Variants in HDAC9 observed in about 807,000 individuals in gnomAD.
HDAC9 encodes histone deacetylase 9.
A neutral mutation model predicts 139.4 loss-of-function variants in HDAC9; 41 were observed. The ratio of observed to expected loss-of-function variants is 0.29; its 90% confidence interval spans 0.23 to 0.38. HDAC9 has a LOEUF of 0.38. Among genes scored for constraint, HDAC9 ranks in the 10% least tolerant of loss-of-function variants. The pLI is 1.00. For synonymous variants in HDAC9, 517 were observed against 476.2 expected (o/e 1.09, Z -1.12); for missense variants, 1,147 against 1,297.0 (o/e 0.88, Z 1.78).
chr7:18,697,864 G>A (rs1229364300), intron 12 of HDAC9, among the ~76,000 whole-genome samples: 1 of 151,970 alleles, frequency 6.6e-6, no homozygotes, highest in East Asian at 1.9e-4. Context: ...TTATTTTAGG[G>A]TTGAATTTTA....
intron 22 of HDAC9, among the ~76,000 whole-genome samples, chr7:18,922,864 G>C (rs1269972451): frequency 6.6e-6 from 1 of 152,062 alleles, no homozygotes; most frequent in Non-Finnish European, 1.5e-5. Context: ...TTCCTAAGCA[G>C]TTAACATTTT....
intron 1 of HDAC9, among the ~76,000 whole-genome samples, chr7:18,485,359 CATTGAATA>C (rs1795896534): frequency 6.6e-6 from 1 of 151,860 alleles, no homozygotes; most frequent in Admixed American, 6.6e-5. Flanking sequence ...ATCATTGAAT[CATTGAATA>C]TGAATGGTTT....
rs760389593 is a variant in HDAC9 at position 18,199,033 on chromosome 7, A to G, written c.25+36684A>G. ...AGTGTAAAATTTCCATCAGGAAACA[A>G]TCTTCTGCCTTGAACTACCAAAGTG... On this transcript the variant is annotated intron_variant, in intron 2 of 12. Coordinates refer to the HDAC9 transcript ENST00000417496. Among the ~76,000 whole-genome samples the G allele has an allele frequency of 3.0e-4, 46 of 152,144 alleles. 1 individual carries two copies. Among genetic ancestry groups the G allele is most frequent in the African/African-American group, 1.2e-4 (5 of 41,446 alleles).
At chr7:18,544,799 G>A (rs1287405185) in intron 2 of HDAC9, among the ~76,000 whole-genome samples, 1 of 152,198 alleles carries the variant, frequency 6.6e-6, no homozygotes, top group Non-Finnish European at 1.5e-5. Context: ...GCATTGTGGA[G>A]GTCATTGCCA....
At chr7:18,684,749 C>A (rs1393334537) in intron 12 of HDAC9, among the ~76,000 whole-genome samples, 1 of 151,872 alleles carries the variant, frequency 6.6e-6, no homozygotes, top group Non-Finnish European at 1.5e-5. Context: ...AAGTAACCCC[C>A]TACACACAAT....
intron 1 of HDAC9, among the ~76,000 whole-genome samples, chr7:18,405,893 TG>T (rs1787958363): frequency 6.6e-6 from 1 of 152,224 alleles, no homozygotes; most frequent in African/African-American, 2.4e-5. Context: ...GGTTTCTAGC[TG>T]GGTTTCCTGC....
At chr7:18,805,454 CAA>C (rs2129186033) in intron 17 of HDAC9, among the ~76,000 whole-genome samples, 1 of 152,206 alleles carries the variant, frequency 6.6e-6, no homozygotes, top group South Asian at 2.1e-4. Context: ...TGGATAGGTC[CAA>C]GAGAGAGAAG....
At chr7:18,552,823 T>A (rs1259250981) in intron 2 of HDAC9, among the ~76,000 whole-genome samples, 1 of 152,220 alleles carries the variant, frequency 6.6e-6, no homozygotes, top group Non-Finnish European at 1.5e-5. Context: ...GAGGTAAACC[T>A]GTACCCGGCA....
At chr7:18,606,198 G>C (rs1380048088) in intron 6 of HDAC9, among the ~76,000 whole-genome samples, 1 of 152,114 alleles carries the variant, frequency 6.6e-6, no homozygotes, top group Admixed American at 6.5e-5. Flanking sequence ...TTCTCTGATA[G>C]ATCTACGAAA....
At chr7:18,426,265 G>GAAATGCAAT (rs1489755270) in intron 1 of HDAC9, among the ~76,000 whole-genome samples, 1 of 152,190 alleles carries the variant, frequency 6.6e-6, no homozygotes, top group Non-Finnish European at 1.5e-5. Context: ...GAAAGCAGCT[G>GAAATGCAAT]CTATGCAAGT....
chr7:18,526,719 C>A (rs186456795), intron 2 of HDAC9, among the ~76,000 whole-genome samples: 2 of 152,220 alleles, frequency 1.3e-5, no homozygotes, highest in African/African-American at 2.4e-5. Flanking sequence ...TACAAAGGAT[C>A]TATGGCTTAG....
chr7:18,258,688 A>G (rs1184373711), intron 2 of HDAC9, among the ~76,000 whole-genome samples: 1 of 152,208 alleles, frequency 6.6e-6, no homozygotes, highest in African/African-American at 2.4e-5. Flanking sequence ...TTAAGAATTG[A>G]ACTCAAGGTC....
chr7:18,593,855 A>G, intron 5 of HDAC9, 53 bp from the exon 6 acceptor site: 2 of 1,601,408 alleles, frequency 1.2e-6, no homozygotes, highest in East Asian at 4.5e-5. Context: ...ATTGCTGACC[A>G]ATATGCAGTA....
chr7:18,912,368 T>C (rs1401521025), intron 22 of HDAC9, among the ~76,000 whole-genome samples: 1 of 152,114 alleles, frequency 6.6e-6, no homozygotes, highest in Admixed American at 6.6e-5. Flanking sequence ...TTTAAAACTG[T>C]AGAAAACTAT....
chr7:18,564,114 T>TC (rs1821500635), intron 2 of HDAC9, among the ~76,000 whole-genome samples: 1 of 152,066 alleles, frequency 6.6e-6, no homozygotes, highest in Non-Finnish European at 1.5e-5. Context: ...GGATTACAGG[T>TC]GTGAGCCACC....
chr7:18,897,949 T>A (rs1233435069), intron 22 of HDAC9, among the ~76,000 whole-genome samples: 2 of 151,922 alleles, frequency 1.3e-5, no homozygotes, highest in Admixed American at 6.6e-5. Flanking sequence ...CTGTCACTTT[T>A]AAAATGTTCC....
intron 21 of HDAC9, among the ~76,000 whole-genome samples, chr7:18,850,590 T>C (rs991779841): frequency 1.3e-5 from 2 of 152,222 alleles, no homozygotes; most frequent in African/African-American, 4.8e-5. Context: ...GAATTGGACA[T>C]GATACTTCTG....
At chr7:18,137,422 T>A (rs1451278571) in intron 1 of HDAC9, among the ~76,000 whole-genome samples, 1 of 150,934 alleles carries the variant, frequency 6.6e-6, no homozygotes, top group Non-Finnish European at 1.5e-5. Flanking sequence ...GCCCATTCAG[T>A]ATGTTATTGG....
At chr7:18,364,372 G>C (rs1448592891) in intron 1 of HDAC9, among the ~76,000 whole-genome samples, 1 of 151,970 alleles carries the variant, frequency 6.6e-6, no homozygotes, top group Non-Finnish European at 1.5e-5. Flanking sequence ...GCTCAAAATA[G>C]TACTATTACT....
Sources: allele counts gnomAD v4.1 joint callset (sites outside exome capture counted in the v4.1 genomes callset), GRCh38; gene constraint gnomAD v4.1.1; transcripts MANE v1.5; gene names NCBI Gene and HGNC (gene_info 2026-07-23, HGNC 2026-07-21).